TRHDE: variants seen among roughly 807,000 people sequenced by gnomAD.
TRHDE encodes thyrotropin releasing hormone degrading enzyme, also known as thyrotropin-releasing hormone-degrading ectoenzyme.
TRHDE carries 72 observed loss-of-function variants against 125.7 expected under a neutral mutation model. The observed-to-expected ratio is 0.57, with a 90% CI of 0.47 to 0.70. TRHDE has a LOEUF of 0.70. TRHDE is among the 30% of genes least tolerant of loss of function. The probability of loss-of-function intolerance (pLI) is 0.00; values close to 1 mark genes in which losing one functional copy is unlikely to be tolerated. For missense variants in TRHDE, 1,110 were observed against 1,327.1 expected (o/e 0.84, Z 2.54); for synonymous variants, 509 against 509.1 (o/e 1.00, Z 0.00).
At chr12:72,260,711 A>G (rs533397623) in intron 2 of TRHDE, among the ~76,000 whole-genome samples, 1 of 152,306 alleles carries the variant, frequency 6.6e-6, no homozygotes, top group East Asian at 1.9e-4. Context: ...ATAAGCTTTA[A>G]ATGAAAGAAG....
intron 7 of TRHDE, among the ~76,000 whole-genome samples, chr12:72,560,378 C>A (rs933783895): frequency 6.6e-6 from 1 of 152,146 alleles, no homozygotes; most frequent in Non-Finnish European, 1.5e-5. Flanking sequence ...AATAGTTAGA[C>A]TTTTATGATC....
intron 15 of TRHDE, among the ~76,000 whole-genome samples, chr12:72,629,720 A>C (rs1305391263): frequency 1.3e-5 from 2 of 151,696 alleles, no homozygotes; most frequent in Non-Finnish European, 2.9e-5. Flanking sequence ...TTGCGTATAA[A>C]ACTCATTGCA....
rs914189014 is a variant in TRHDE at position 72,593,291 on chromosome 12, A to C, written c.2321+17749A>C. The stretch of plus-strand genomic sequence containing the variant: ...CCCCTATTTTATAGATAAAGTGTCT[A>C]AGGTTCAGAAAGGGTAAACTTGTTT... On this transcript the variant is annotated intron_variant, in intron 12 of 18. Coordinates refer to ENST00000261180, the MANE Select transcript of TRHDE (RefSeq NM_013381.3). Among the ~76,000 whole-genome samples the C allele has an allele frequency of 4.6e-5, 7 of 152,170 alleles. No homozygotes were observed. In the East Asian group the frequency reaches 7.7e-4, roughly 17 times the overall value.
intron 2 of TRHDE, among the ~76,000 whole-genome samples, chr12:72,170,043 A>G (rs1205257852): frequency 6.6e-6 from 1 of 152,172 alleles, no homozygotes; most frequent in East Asian, 1.9e-4. Flanking sequence ...AATAAATAGG[A>G]ACGGTATGGG....
chr12:72,344,589 T>C (rs553404536), intron 2 of TRHDE, among the ~76,000 whole-genome samples: 9 of 152,222 alleles, frequency 5.9e-5, no homozygotes, highest in African/African-American at 2.2e-4. Context: ...ATGATGCAAG[T>C]GGGCTACATG....
chr12:72,162,035 A>C (rs2139329186), intron 2 of TRHDE, among the ~76,000 whole-genome samples: 1 of 152,300 alleles, frequency 6.6e-6, no homozygotes, highest in South Asian at 2.1e-4. Context: ...GCACTTAGTA[A>C]ATTTTCCTGT....
At position 72,272,804 on chromosome 12, in the gene TRHDE, G is replaced by C. The variant is rs1258387078; in HGVS notation, c.161G>C (p.Arg54Pro). The change falls in exon 1 of 19, where the codon CGG becomes CCG. Residue 54 changes from arginine to proline, a missense_variant. By Grantham distance (103) the Arg-to-Pro change is moderately radical. This residue lies in a region of TRHDE where 248 missense variants were observed against 240.8 expected (regional missense o/e 1.03). Transcript: ENST00000261180. The surrounding 1 kb of genome is among the most constrained non-coding windows in gnomAD (Gnocchi z 6.7). ...AAMGEDDAALRAGSRGLSDPW... is the reference protein window; with the variant it reads ...AAMGEDDAALPAGSRGLSDPW... ...ATGGGGGAAGACGACGCCGCGCTTC[G>C]GGCTGGCAGCAGGGGGCTCTCCGAC... The C allele has an allele frequency of 1.9e-6, 3 of 1,564,414 alleles. No homozygotes were observed. The highest frequency in any genetic ancestry group is 1.1e-5 in the South Asian group (1 of 87,462).
At chr12:72,095,290 A>C (rs1874887551) in intron 1 of TRHDE, among the ~76,000 whole-genome samples, 1 of 152,210 alleles carries the variant, frequency 6.6e-6, no homozygotes, top group South Asian at 2.1e-4. Context: ...TTATTTAAAT[A>C]GCATAAAGGT....
At chr12:72,568,709 G>A in intron 10 of TRHDE, 53 bp downstream of exon 10, 1 of 1,283,690 alleles carries the variant, frequency 7.8e-7, no homozygotes, top group Non-Finnish European at 1.1e-6. Flanking sequence ...TAATTGTTTA[G>A]CAACTTAACC....
intron 2 of TRHDE, among the ~76,000 whole-genome samples, chr12:72,171,818 T>C (rs540376306): frequency 9.8e-5 from 15 of 152,302 alleles, no homozygotes; most frequent in African/African-American, 3.6e-4. Flanking sequence ...ATTATATGAG[T>C]CATATTGTCA....
upstream of TRHDE, chr12:72,272,151 C>G (rs187875802): frequency 2.2e-6 from 1 of 457,392 alleles, no homozygotes; most frequent in South Asian, 1.5e-5. The surrounding 1 kb of genome is among the most constrained non-coding windows in gnomAD (Gnocchi z 6.7). Flanking sequence ...CCCAGAGGAC[C>G]GAACGCCGCC....
intron 5 of TRHDE, among the ~76,000 whole-genome samples, chr12:72,488,888 T>C (rs1877532448): frequency 6.6e-6 from 1 of 151,712 alleles, no homozygotes; most frequent in Non-Finnish European, 1.5e-5. Flanking sequence ...TTAAACAACA[T>C]GCTTCTGAAC....
intron 6 of TRHDE, among the ~76,000 whole-genome samples, chr12:72,518,688 A>G (rs1489441124): frequency 1.3e-5 from 2 of 152,008 alleles, no homozygotes; most frequent in Non-Finnish European, 2.9e-5. Flanking sequence ...TCCTGTCATT[A>G]TGATGTTAGC....
At chr12:72,253,309 A>T (rs972509295) in intron 2 of TRHDE, among the ~76,000 whole-genome samples, 5 of 152,080 alleles carry the variant, frequency 3.3e-5, no homozygotes, top group Non-Finnish European at 7.4e-5. Flanking sequence ...ATCTGCACAC[A>T]GGGACTATTT....
intron 2 of TRHDE, among the ~76,000 whole-genome samples, chr12:72,168,048 T>C (rs1292835326): frequency 6.6e-6 from 1 of 152,186 alleles, no homozygotes; most frequent in Non-Finnish European, 1.5e-5. Flanking sequence ...CTAGTCATTG[T>C]ATGCCATATA....
At chr12:72,330,866 T>A (rs1869561441) in intron 2 of TRHDE, among the ~76,000 whole-genome samples, 1 of 152,170 alleles carries the variant, frequency 6.6e-6, no homozygotes, top group African/African-American at 2.4e-5. Flanking sequence ...ATGCCTTAGA[T>A]TCACCAGGAA....
Position 72,095,267 on chromosome 12 carries a change from A to T in TRHDE, n.174+7828A>T, listed in dbSNP as rs573055862. ...CCCTGTTATTGCCATTCTCAGCAGC[A>T]CATGTCCTACTTTTATTTAAATAGC... On this transcript the variant is annotated intron_variant and non_coding_transcript_variant, in intron 1 of 4. Coordinates refer to the TRHDE transcript ENST00000548156. Among the ~76,000 whole-genome samples the T allele has an allele frequency of 1.4e-4, 22 of 152,340 alleles. 1 individual carries two copies. In the South Asian group the frequency reaches 1.7e-3, roughly 11 times the overall value.
chr12:72,318,117 A>G (rs1868893548), intron 2 of TRHDE, among the ~76,000 whole-genome samples: 1 of 152,104 alleles, frequency 6.6e-6, no homozygotes, highest in Admixed American at 6.5e-5. Flanking sequence ...TTTATGTTGG[A>G]TTTACTATGT....
intron 3 of TRHDE, among the ~76,000 whole-genome samples, chr12:72,391,958 T>C (rs925575007): frequency 6.6e-6 from 1 of 152,166 alleles, no homozygotes; most frequent in African/African-American, 2.4e-5. Flanking sequence ...GAGGCTTTAT[T>C]AAGGCCAAAT....
Sources: gnomAD v4.1 joint callset for allele counts (sites outside exome capture counted in the v4.1 genomes callset) on GRCh38, gnomAD v4.1.1 for gene constraint, gnomAD v4.1.1 regional missense constraint, Gnocchi (gnomAD v3.1) non-coding constraint, MANE v1.5 for transcripts, NCBI Gene and HGNC (gene_info 2026-07-23, HGNC 2026-07-21) for gene names.